SLC16A2: variants seen among roughly 807,000 people sequenced by gnomAD.
SLC16A2 encodes the protein monocarboxylate transporter 8.
Under a neutral mutation model 27.2 loss-of-function variants are expected in SLC16A2, and 3 were observed. The observed-to-expected ratio is 0.11, with a 90% confidence interval of 0.05 to 0.28. The LOEUF (loss-of-function observed/expected upper bound fraction) is 0.28, where lower values mean the gene tolerates loss of function less well. Among genes scored for constraint, SLC16A2 ranks in the 10% least tolerant of loss-of-function variants. The pLI is 1.00. For missense variants in SLC16A2, 295 were observed against 458.5 expected, an observed-to-expected ratio of 0.64 and a Z score of 3.26; for synonymous variants, 202 against 187.8, an observed-to-expected ratio of 1.08 and a Z score of -0.62.
At chrX:74,493,123 A>C (rs1929862160) in intron 1 of SLC16A2, among the ~76,000 whole-genome samples, 1 of 111,749 alleles carries the variant, frequency 8.9e-6, no homozygotes, top group Non-Finnish European at 1.9e-5. Flanking sequence ...GGAGGCAGTC[A>C]TGTTCACAAT....
At chrX:74,426,452 C>T (rs1928403905) in intron 1 of SLC16A2, among the ~76,000 whole-genome samples, 1 of 111,994 alleles carries the variant, frequency 8.9e-6, no homozygotes, top group Non-Finnish European at 1.9e-5. Context: ...CTGGTTGAGG[C>T]TGGATGCCTG....
chrX:74,478,094 G>T (rs937755413), intron 1 of SLC16A2, among the ~76,000 whole-genome samples: 46 of 111,598 alleles, frequency 4.1e-4, no homozygotes, highest in African/African-American at 1.5e-3. Context: ...GGGTGTTAAA[G>T]TCTCCCCTTG....
chrX:74,505,413 A>G (rs190178439), intron 1 of SLC16A2, among the ~76,000 whole-genome samples: 6 of 112,407 alleles, frequency 5.3e-5, no homozygotes, highest in African/African-American at 1.9e-4. Flanking sequence ...TTTTAGATTG[A>G]AAAATGAGCT....
intron 1 of SLC16A2, among the ~76,000 whole-genome samples, chrX:74,492,451 A>G (rs1929847024): frequency 9.0e-6 from 1 of 111,042 alleles, no homozygotes; most frequent in South Asian, 3.9e-4. Flanking sequence ...TCATTCATTT[A>G]GAGTTAGAAT....
intron 1 of SLC16A2, among the ~76,000 whole-genome samples, chrX:74,440,279 T>C (rs1011800645): frequency 8.1e-5 from 9 of 111,708 alleles, no homozygotes; most frequent in African/African-American, 2.9e-4. Context: ...ACTAGAATTG[T>C]CCCAGGAAAA....
At position 74,530,090 on chromosome X, in the gene SLC16A2, CTTTTTTTTTTTT is replaced by C. The variant is rs748919451; in HGVS notation, c.1399+658_1399+669del. Among the ~76,000 whole-genome samples the C allele has an allele frequency of 5.3e-4, 36 of 67,918 alleles. 2 individuals carry two copies. The highest frequency in any genetic ancestry group is 1.7e-3 in the African/African-American group (35 of 20,766). 59.0% of individuals were successfully genotyped at this position (67,918 alleles called of 115,157 possible). A position where few individuals can be genotyped will look rare whatever the true frequency, so the allele number is the denominator to read the frequency against. On this transcript the variant is annotated intron_variant, in intron 5 of 5. Coordinates refer to ENST00000587091, the MANE Select transcript of SLC16A2 (RefSeq NM_006517.5). ...AGAACTCCAATTTCTTTTCTTTTCT[CTTTTTTTTTTTT>C]TTTTTTTTGAGACAGAGTCTTGCTC...
intron 1 of SLC16A2, among the ~76,000 whole-genome samples, chrX:74,518,160 T>C (rs1183659537): frequency 8.9e-6 from 1 of 112,514 alleles, no homozygotes; most frequent in Non-Finnish European, 1.9e-5. Context: ...GTTTTCGGGA[T>C]CATGGTAAAT....
At chrX:74,525,580 C>G (rs1930475528) in intron 3 of SLC16A2, among the ~76,000 whole-genome samples, 170 bp from the exon 4 acceptor site, 1 of 111,772 alleles carries the variant, frequency 8.9e-6, no homozygotes, top group Non-Finnish European at 1.9e-5. Flanking sequence ...TCCAGACAGC[C>G]AAGGGATAAG....
chrX:74,437,255 C>T (rs1267386692), intron 1 of SLC16A2, among the ~76,000 whole-genome samples: 1 of 112,134 alleles, frequency 8.9e-6, no homozygotes, highest in African/African-American at 3.2e-5. Context: ...CCAAATAAGG[C>T]CCCCTGCAGG....
In SLC16A2 at chrX:74,531,764, T is replaced by G; in HGVS notation, c.*211T>G. 4.4e-6 allele frequency: 2 copies of G among 456,270 alleles called. No homozygotes were observed. The highest frequency in any genetic ancestry group is 3.9e-6 in the Non-Finnish European group (1 of 256,823). 37.6% of individuals were successfully genotyped at this position (456,270 alleles called of 1,213,427 possible). A position where few individuals can be genotyped will look rare whatever the true frequency, so the allele number is the denominator to read the frequency against. On this transcript the variant is annotated 3_prime_UTR_variant, in exon 6 of 6. Transcript: ENST00000587091. ...AATGCTTTTAAATTTTCCAGGGCCT[T>G]TCTCCTCCCAGGATCTGGGAAAGCT...
intron 1 of SLC16A2, among the ~76,000 whole-genome samples, chrX:74,519,572 C>T (rs1372441898): frequency 3.8e-5 from 4 of 104,482 alleles, no homozygotes; most frequent in South Asian, 8.9e-4. Flanking sequence ...AAAAATTAGC[C>T]GGGCGTGGTG....
intron 1 of SLC16A2, among the ~76,000 whole-genome samples, chrX:74,450,372 A>G (rs1928916487): frequency 8.9e-6 from 1 of 111,984 alleles, no homozygotes; most frequent in Admixed American, 9.5e-5. Flanking sequence ...CCATCTTGTG[A>G]CCTTGAGCAT....
chrX:74,497,864 G>A (rs1929963875), intron 1 of SLC16A2, among the ~76,000 whole-genome samples: 1 of 105,615 alleles, frequency 9.5e-6, no homozygotes, highest in Non-Finnish European at 1.9e-5. Flanking sequence ...GATGACACTG[G>A]AAGGAAGGGG....
At chrX:74,485,823 A>G (rs770647809) in intron 1 of SLC16A2, among the ~76,000 whole-genome samples, 1 of 109,835 alleles carries the variant, frequency 9.1e-6, no homozygotes, top group African/African-American at 3.4e-5. Flanking sequence ...TGGCTGGATC[A>G]GGAGCACAGT....
At chrX:74,474,233 T>G (rs1321371663) in intron 1 of SLC16A2, among the ~76,000 whole-genome samples, 1 of 111,844 alleles carries the variant, frequency 8.9e-6, no homozygotes, top group Non-Finnish European at 1.9e-5. Context: ...TAGATATTTT[T>G]AATTTCCTCC....
At chrX:74,462,508 CG>C (rs1034854389) in intron 1 of SLC16A2, among the ~76,000 whole-genome samples, 2 of 111,215 alleles carry the variant, frequency 1.8e-5, no homozygotes, top group African/African-American at 3.3e-5. Context: ...TCAGTAGAGA[CG>C]GGGTTTCAAC....
chrX:74,447,299 A>G (rs1268212943), intron 1 of SLC16A2, among the ~76,000 whole-genome samples: 2 of 111,907 alleles, frequency 1.8e-5, no homozygotes, highest in Non-Finnish European at 3.8e-5. Context: ...AATCTTTGTG[A>G]GTTTTCACAG....
chrX:74,475,705 G>T (rs1203798096), intron 1 of SLC16A2, among the ~76,000 whole-genome samples: 2 of 111,517 alleles, frequency 1.8e-5, no homozygotes, highest in South Asian at 3.8e-4. Flanking sequence ...ATATGGCTAG[G>T]CAGTTTTCCC....
At chrX:74,526,260 T>C (rs1241267114) in intron 4 of SLC16A2, among the ~76,000 whole-genome samples, 1 of 112,153 alleles carries the variant, frequency 8.9e-6, no homozygotes, top group Non-Finnish European at 1.9e-5. Context: ...GGCAGCAGTA[T>C]TGCCTTTCTT....
Sources: gnomAD v4.1 joint callset for allele counts (sites outside exome capture counted in the v4.1 genomes callset) on GRCh38, gnomAD v4.1.1 for gene constraint, MANE v1.5 for transcripts, NCBI Gene and HGNC (gene_info 2026-07-23, HGNC 2026-07-21) for gene names.